The following ABI2 variants were observed in gnomAD, a reference collection of about 807,000 sequenced individuals.
The protein encoded by ABI2 is abl interactor 2.
ABI2 carries 25 observed loss-of-function variants against 59.2 expected under a neutral mutation model. The ratio of observed to expected loss-of-function variants is 0.42; its 90% CI spans 0.31 to 0.59. ABI2 has a LOEUF of 0.59. Ranked by LOEUF, ABI2 falls within the 20% of genes least tolerant of loss-of-function variation. ABI2 has a pLI of 0.14. For missense variants in ABI2, 545 were observed against 681.8 expected, an observed-to-expected ratio of 0.80 and a Z score of 2.23; for synonymous variants, 213 against 235.5, an observed-to-expected ratio of 0.90 and a Z score of 0.87.
chr2:203,347,613 TTC>T (rs2152677838), intron 1 of ABI2, among the ~76,000 whole-genome samples: 1 of 152,318 alleles, frequency 6.6e-6, no homozygotes, highest in South Asian at 2.1e-4. Context: ...ACAAAATAGT[TTC>T]TGTTTTAGAG....
In ABI2 at chr2:203,428,331, A is replaced by G. The variant is rs2098457146; in HGVS notation, c.*979A>G. ...ACGCTATTCTACTTTGGAAGAGAAT[A>G]GTAGTTATTTTCAAGTCTCCTGACA... On this transcript the variant is annotated 3_prime_UTR_variant, in exon 12 of 12. Coordinates refer to ENST00000261018, the MANE Select transcript of ABI2 (RefSeq NM_001375670.1). The G allele has an allele frequency of 6.6e-6, 1 of 152,592 alleles. No individual in the cohort carries two copies. The highest frequency in any genetic ancestry group is 2.4e-5 in the African/African-American group (1 of 41,440). The allele number at this position is 152,592 out of a possible 1,614,324, so 9.5% of individuals were successfully genotyped here. A position where few individuals can be genotyped will look rare whatever the true frequency, so the allele number is the denominator to read the frequency against.
chr2:203,403,742 GTTT>G (rs56123341), intron 9 of ABI2, among the ~76,000 whole-genome samples: 1 of 95,298 alleles, frequency 1.0e-5, no homozygotes, highest in Admixed American at 1.4e-4. Flanking sequence ...CTTTCTTTCT[GTTT>G]TTTTTTTTTT....
intron 2 of ABI2, 38 bp from the exon 3 acceptor site, chr2:203,380,170 A>G (rs755817692): frequency 1.8e-5 from 24 of 1,343,582 alleles, no homozygotes; most frequent in Admixed American, 2.4e-5. Context: ...TATTAGAACT[A>G]TACATTTTTG....
chr2:203,332,090 G>A (rs1028808860), intron 1 of ABI2, among the ~76,000 whole-genome samples: 8 of 151,748 alleles, frequency 5.3e-5, no homozygotes, highest in African/African-American at 7.3e-5. Context: ...GATTACAGGC[G>A]TGAGCCACCG....
At chr2:203,419,333 C>T (rs2098082167) in intron 11 of ABI2, among the ~76,000 whole-genome samples, 1 of 151,508 alleles carries the variant, frequency 6.6e-6, no homozygotes, top group African/African-American at 2.4e-5. Context: ...CTCCTGACCT[C>T]ATGATCCGCC....
chr2:203,328,511 G>A lies in ABI2; in HGVS notation c.-4G>A. 6.2e-7 allele frequency: 1 copy of A among 1,602,276 alleles called. No homozygotes were observed. On this transcript the variant is annotated 5_prime_UTR_variant, in exon 1 of 12. An upstream open reading frame in the 5' UTR loses its in-frame stop. Transcript: ENST00000261018. ...ATGAGGAGGAGGAGGAGGAGGATGTGAAGATGGCGGAGCTGCAGATGCTGC... is the reference window on the plus strand; with the variant it reads ...ATGAGGAGGAGGAGGAGGAGGATGTAAAGATGGCGGAGCTGCAGATGCTGC...
intron 1 of ABI2, among the ~76,000 whole-genome samples, chr2:203,332,576 G>C (rs1352835007): frequency 6.6e-6 from 1 of 152,166 alleles, no homozygotes; most frequent in African/African-American, 2.4e-5. Context: ...AGTGAGCCAA[G>C]ATCATGCCAT....
chr2:203,397,653 A>G (rs1261402049), intron 8 of ABI2, among the ~76,000 whole-genome samples: 4 of 152,236 alleles, frequency 2.6e-5, no homozygotes, highest in African/African-American at 7.2e-5. Flanking sequence ...ATTGCTATAA[A>G]TACCTGAGAC....
chr2:203,402,812 A>G, intron 9 of ABI2, 78 bp downstream of exon 9: 2 of 1,271,308 alleles, frequency 1.6e-6, no homozygotes, highest in Non-Finnish European at 2.1e-6. Context: ...CCTTAATTAC[A>G]AATAGTGCAT....
chr2:203,384,927 C>T (rs542876017), intron 4 of ABI2, among the ~76,000 whole-genome samples: 12 of 151,326 alleles, frequency 7.9e-5, no homozygotes, highest in African/African-American at 2.2e-4. Flanking sequence ...CTCCGCCTCC[C>T]GGGTTCAGGC....
chr2:203,372,135 C>T (rs1039786682), intron 2 of ABI2, among the ~76,000 whole-genome samples: 3 of 151,750 alleles, frequency 2.0e-5, no homozygotes, highest in Non-Finnish European at 4.4e-5. Context: ...TGACTCTTAA[C>T]GAGCATGCTG....
intron 1 of ABI2, among the ~76,000 whole-genome samples, chr2:203,333,634 C>T (rs765464921): frequency 3.3e-5 from 5 of 152,196 alleles, no homozygotes; most frequent in Non-Finnish European, 7.3e-5. Context: ...CCCTAACTCT[C>T]AGCAGAGACA....
At chr2:203,415,711 C>A (rs1266129457) in intron 10 of ABI2, among the ~76,000 whole-genome samples, 2 of 150,276 alleles carry the variant, frequency 1.3e-5, no homozygotes, top group Non-Finnish European at 3.0e-5. Context: ...CAGAGAGTCA[C>A]ATGGGAACTA....
At chr2:203,409,099 A>G (rs1457070542) in intron 9 of ABI2, among the ~76,000 whole-genome samples, 2 of 151,368 alleles carry the variant, frequency 1.3e-5, no homozygotes, top group African/African-American at 4.9e-5. Context: ...CGGCCTCCCA[A>G]AGTGCTGGGA....
intron 11 of ABI2, among the ~76,000 whole-genome samples, chr2:203,423,415 G>GA (rs747504501): frequency 2.0e-4 from 30 of 152,218 alleles, no homozygotes; most frequent in Non-Finnish European, 4.0e-4. Flanking sequence ...TTTTAGGAGA[G>GA]AAAAAATCAT....
intron 9 of ABI2, among the ~76,000 whole-genome samples, chr2:203,403,749 T>TTG (rs1194470125): frequency 6.9e-6 from 1 of 144,376 alleles, no homozygotes; most frequent in Non-Finnish European, 1.5e-5. Flanking sequence ...TCTGTTTTTT[T>TTG]TTTTTTTTTT....
chr2:203,408,912 C>A (rs2097545370), intron 9 of ABI2, among the ~76,000 whole-genome samples: 1 of 139,488 alleles, frequency 7.2e-6, no homozygotes, highest in Non-Finnish European at 1.5e-5. Context: ...AATCTCGGCT[C>A]ACTGCAAGCT....
Position 203,427,265 on chromosome 2 carries a change from C to T in ABI2, c.1542C>T (p.Asp514=), listed in dbSNP as rs370907556. The T allele has an allele frequency of 2.4e-5, 39 of 1,613,624 alleles. No homozygotes were observed. Among genetic ancestry groups the T allele is most frequent in the African/African-American group, 1.6e-4 (12 of 74,854 alleles). The part of the protein sequence containing the change: ...GAIIYVIKKN[D]DGWYEGVMNG... ...TTATTTATGTCATCAAGAAGAATGA[C>T]GATGGTTGGTATGAGGGAGTTATGA... The change falls in exon 12 of 12, where the codon GAC becomes GAT. Residue 514 remains aspartate (D), a synonymous_variant. Coordinates refer to ENST00000261018, the MANE Select transcript of ABI2 (RefSeq NM_001375670.1).
chr2:203,372,645 C>G (rs1257442889), intron 2 of ABI2, among the ~76,000 whole-genome samples: 1 of 151,634 alleles, frequency 6.6e-6, no homozygotes, highest in African/African-American at 2.4e-5. Flanking sequence ...GGCAGCTGGC[C>G]GGGCAGAGGG....
Sources: allele counts gnomAD v4.1 joint callset (sites outside exome capture counted in the v4.1 genomes callset), GRCh38; gene constraint gnomAD v4.1.1; transcripts MANE v1.5; gene names NCBI Gene and HGNC (gene_info 2026-07-23, HGNC 2026-07-21).